Variants in PALM2AKAP2 observed in about 807,000 individuals in gnomAD.
The protein encoded by PALM2AKAP2 is PALM2 and AKAP2 fusion.
Under a neutral mutation model 71.5 loss-of-function variants are expected in PALM2AKAP2, and 37 were observed. The observed-to-expected ratio is 0.52, with a 90% confidence interval of 0.40 to 0.68. PALM2AKAP2 has a LOEUF of 0.68. Among genes scored for constraint, PALM2AKAP2 ranks in the 30% least tolerant of loss-of-function variants. The pLI is 0.00. For missense variants in PALM2AKAP2, 1,224 were observed against 1,191.8 expected, an observed-to-expected ratio of 1.03 and a Z score of -0.40; for synonymous variants, 468 against 478.8, an observed-to-expected ratio of 0.98 and a Z score of 0.29.
At chr9:109,844,667 AC>A (rs1828800725) in intron 1 of PALM2AKAP2, among the ~76,000 whole-genome samples, 1 of 152,216 alleles carries the variant, frequency 6.6e-6, no homozygotes, top group East Asian at 1.9e-4. Context: ...GTGAGTACAC[AC>A]GTGCTCTCAC....
Position 109,769,166 on chromosome 9 carries a change from T to G in PALM2AKAP2, c.6-11322T>G, listed in dbSNP as rs1287732645. ...TTATAAGAACCCATAAAAATACTAG[T>G]TTTTTACTCCTACGAAAGTGAAATG... On this transcript the variant is annotated intron_variant, in intron 1 of 6. Coordinates refer to the PALM2AKAP2 transcript ENST00000374531. 2.0e-5 allele frequency among the ~76,000 whole-genome samples: 3 copies of G among 152,150 alleles called. No homozygotes were observed. The East Asian group carries it at 5.8e-4, about 29-fold the overall frequency.
At chr9:109,797,392 G>A (rs1471056105) in intron 1 of PALM2AKAP2, among the ~76,000 whole-genome samples, 2 of 152,166 alleles carry the variant, frequency 1.3e-5, no homozygotes, top group African/African-American at 4.8e-5. Context: ...TGGATTCTTG[G>A]ACTGTGTTTG....
intron 6 of PALM2AKAP2, among the ~76,000 whole-genome samples, chr9:109,970,946 A>G (rs1170929628): frequency 1.3e-5 from 2 of 152,050 alleles, no homozygotes; most frequent in Non-Finnish European, 2.9e-5. Context: ...TGTGTCTACA[A>G]AAAAAATTTA....
chr9:109,692,361 A>G (rs1461595684), intron 1 of PALM2AKAP2, among the ~76,000 whole-genome samples: 2 of 151,886 alleles, frequency 1.3e-5, no homozygotes, highest in African/African-American at 4.8e-5. Flanking sequence ...TTTACATTCC[A>G]TAGGATTTTC....
At chr9:109,810,033 A>G (rs1222576987) in intron 1 of PALM2AKAP2, among the ~76,000 whole-genome samples, 1 of 152,186 alleles carries the variant, frequency 6.6e-6, no homozygotes, top group Non-Finnish European at 1.5e-5. Flanking sequence ...GCAGTGGGAG[A>G]ATGAACTAAT....
intron 6 of PALM2AKAP2, among the ~76,000 whole-genome samples, chr9:110,011,754 A>C (rs1832887853): frequency 1.3e-5 from 2 of 152,130 alleles, no homozygotes; most frequent in South Asian, 4.1e-4. Flanking sequence ...GCTTTCTCCA[A>C]GATTCTTAGC....
At chr9:109,888,659 G>A (rs12003363) in intron 3 of PALM2AKAP2, among the ~76,000 whole-genome samples, 4,547 of 139,736 alleles carry the variant, frequency 0.033, 155 homozygotes, top group East Asian at 0.14. Flanking sequence ...GCAGTGAGCC[G>A]AGATCGCACC....
chr9:109,825,690 C>T (rs998182062), intron 1 of PALM2AKAP2, among the ~76,000 whole-genome samples: 2 of 152,152 alleles, frequency 1.3e-5, no homozygotes, highest in Non-Finnish European at 2.9e-5. Flanking sequence ...GTTAGAATGG[C>T]AGTCATTAAA....
rs1005601707 is a variant in PALM2AKAP2 at position 110,157,718 on chromosome 9, G to A, written c.2748+1221G>A. 5.3e-5 allele frequency among the ~76,000 whole-genome samples: 8 copies of A among 152,122 alleles called. No individual in the cohort carries two copies. In the East Asian group the frequency reaches 1.2e-3, roughly 22 times the overall value. ...CCCAGCCTGCCTTTCACTCTTGAAA[G>A]TGTCCCAGTTTGGGTGATAAACCAT... On this transcript the variant is annotated intron_variant, in intron 3 of 3. Coordinates refer to ENST00000374525, the Ensembl canonical transcript of PALM2AKAP2.
intron 3 of PALM2AKAP2, among the ~76,000 whole-genome samples, chr9:109,915,627 A>G (rs531852972): frequency 9.9e-5 from 15 of 152,216 alleles, no homozygotes; most frequent in African/African-American, 3.6e-4. Context: ...TTTTTACTTC[A>G]TGGGATATTG....
intron 1 of PALM2AKAP2, among the ~76,000 whole-genome samples, chr9:109,645,615 G>A (rs1274738733): frequency 6.7e-6 from 1 of 149,358 alleles, no homozygotes; most frequent in African/African-American, 2.5e-5. Flanking sequence ...TGTGGATGGA[G>A]CTGGATGCCA....
At chr9:110,110,848 ATGCTCCTGAAT>A (rs1564310759) in intron 1 of PALM2AKAP2, among the ~76,000 whole-genome samples, 1 of 151,390 alleles carries the variant, frequency 6.6e-6, no homozygotes, top group Non-Finnish European at 1.5e-5. Flanking sequence ...TGCCTGGCCT[ATGCTCCTGAAT>A]TCTTAAATAC....
At chr9:109,990,088 T>C (rs1832450272) in intron 6 of PALM2AKAP2, among the ~76,000 whole-genome samples, 1 of 151,428 alleles carries the variant, frequency 6.6e-6, no homozygotes, top group Admixed American at 6.6e-5. Flanking sequence ...TTTTTTTCTT[T>C]TGTGGCAGGG....
chr9:109,843,850 C>T lies in PALM2AKAP2; in HGVS notation c.46-23641C>T, dbSNP rs183020692. Among the ~76,000 whole-genome samples, 229 of 152,318 alleles carry T rather than the reference C, an allele frequency of 1.5e-3. 2 individuals are homozygous for T. Among genetic ancestry groups the T allele is most frequent in the African/African-American group, 5.0e-3 (209 of 41,568 alleles). On this transcript the variant is annotated intron_variant, in intron 1 of 9. Transcript: ENST00000302798. ...GAGCCCGGACGAGGCCAGCTGGCTG[C>T]CTATCAGTGGCCTTCTTCTGTCAGC...
rs190868263 is a variant in PALM2AKAP2, at chr9:110,154,361, C to T, written c.2570-1958C>T. Among the ~76,000 whole-genome samples, 3 of 152,292 alleles carry T rather than the reference C, an allele frequency of 2.0e-5. No homozygotes were observed. The East Asian group carries it at 5.8e-4, about 29-fold the overall frequency. On this transcript the variant is annotated intron_variant, in intron 2 of 3. Transcript: ENST00000374525. ...CTGGCTCCAGAGCTTACACGCTCAC[C>T]ACTGTGCTATATTGTTTCTTAAGCC...
intron 6 of PALM2AKAP2, among the ~76,000 whole-genome samples, chr9:110,011,343 C>T (rs1386315995): frequency 6.6e-6 from 1 of 151,796 alleles, no homozygotes; most frequent in African/African-American, 2.4e-5. Context: ...AATAGAAATA[C>T]ATCAGCCTAG....
chr9:109,657,557 G>GAGAC (rs903730965), intron 1 of PALM2AKAP2, among the ~76,000 whole-genome samples: 6 of 151,856 alleles, frequency 4.0e-5, no homozygotes, highest in Admixed American at 6.6e-5. Flanking sequence ...CAGAGAGAGA[G>GAGAC]AGACAGACAG....
intron 3 of PALM2AKAP2, among the ~76,000 whole-genome samples, chr9:109,882,209 AG>A (rs1829869697): frequency 6.6e-6 from 1 of 152,118 alleles, no homozygotes; most frequent in Non-Finnish European, 1.5e-5. Context: ...AAAGGGTAAT[AG>A]CTAAGCTGCT....
At chr9:109,656,936 T>C (rs1316000837) in intron 1 of PALM2AKAP2, among the ~76,000 whole-genome samples, 1 of 152,260 alleles carries the variant, frequency 6.6e-6, no homozygotes, top group Non-Finnish European at 1.5e-5. Context: ...AGCAATATTG[T>C]CAATCATTTG....
Sources: gnomAD v4.1 joint callset for allele counts (sites outside exome capture counted in the v4.1 genomes callset) on GRCh38, gnomAD v4.1.1 for gene constraint, MANE v1.5 for transcripts, NCBI Gene and HGNC (gene_info 2026-07-23, HGNC 2026-07-21) for gene names.